The following PPP4R1 variants were observed in gnomAD, a reference collection of about 807,000 sequenced individuals.
PPP4R1 encodes the protein serine/threonine-protein phosphatase 4 regulatory subunit 1.
PPP4R1 carries 42 observed loss-of-function variants against 111.2 expected under a neutral mutation model. The observed-to-expected ratio is 0.38, with a 90% CI of 0.29 to 0.49. The LOEUF (loss-of-function observed/expected upper bound fraction) is 0.49. Ranked by LOEUF, PPP4R1 falls within the 20% of genes least tolerant of loss-of-function variation. PPP4R1 has a pLI of 0.97. For synonymous variants in PPP4R1, 409 were observed against 405.5 expected (o/e 1.01, Z -0.10); for missense variants, 1,012 against 1,161.6 (o/e 0.87, Z 1.87).
At chr18:9,564,103 C>T (rs1275693901) in intron 11 of PPP4R1, among the ~76,000 whole-genome samples, 2 of 152,226 alleles carry the variant, frequency 1.3e-5, no homozygotes, top group East Asian at 3.8e-4. Flanking sequence ...TGAGCACTGT[C>T]TTGCTTGCAG....
rs76553855 is a variant in PPP4R1, at chr18:9,558,714, T to A, written c.2028+705A>T. Among the ~76,000 whole-genome samples the A allele has an allele frequency of 5.1e-4, 77 of 150,852 alleles. 1 individual carries two copies. In the South Asian group the frequency reaches 0.012, roughly 23 times the overall value. ...TAATCAGACTGTTTTTTTTTTTTTT[T>A]AAATAACTGAGAGATCAACTTCACT... is the stretch of plus-strand genomic sequence containing the variant. On this transcript the variant is annotated intron_variant, in intron 14 of 19. Transcript: ENST00000400556.
intron 2 of PPP4R1, among the ~76,000 whole-genome samples, chr18:9,600,596 G>A (rs1041666206): frequency 3.3e-5 from 5 of 152,170 alleles, no homozygotes; most frequent in Admixed American, 6.5e-5. Context: ...GCTGGAGGCC[G>A]GGTGTGGTGG....
chr18:9,549,101 G>A (rs979400879), intron 19 of PPP4R1, 96 bp downstream of exon 19: 1 of 1,424,668 alleles, frequency 7.0e-7, no homozygotes, highest in Non-Finnish European at 9.8e-7. Flanking sequence ...TTTTCTCTGA[G>A]CAGACAATAC....
chr18:9,592,211 T>C (rs1344901987), intron 4 of PPP4R1, among the ~76,000 whole-genome samples: 1 of 152,230 alleles, frequency 6.6e-6, no homozygotes, highest in East Asian at 1.9e-4. Context: ...TGGTTTATTA[T>C]AAACCTTTAC....
chr18:9,572,542 G>A (rs548616859), intron 10 of PPP4R1, among the ~76,000 whole-genome samples: 1 of 152,170 alleles, frequency 6.6e-6, no homozygotes, highest in South Asian at 2.1e-4. Context: ...GAATATGTAG[G>A]TAAATTTGTA....
At chr18:9,600,383 G>T (rs2067361827) in intron 2 of PPP4R1, among the ~76,000 whole-genome samples, 2 of 151,774 alleles carry the variant, frequency 1.3e-5, no homozygotes, top group Non-Finnish European at 2.9e-5. Context: ...ATAAATAGCA[G>T]AATCACAGAC....
intron 6 of PPP4R1, chr18:9,587,329 T>C (rs931502993): frequency 6.6e-6 from 1 of 152,204 alleles, no homozygotes; most frequent in Non-Finnish European, 1.5e-5. Context: ...GCCCTGATTG[T>C]ATTTCAAATT....
intron 11 of PPP4R1, among the ~76,000 whole-genome samples, chr18:9,567,588 CT>C (rs2145093386): frequency 6.6e-6 from 1 of 152,294 alleles, no homozygotes; most frequent in African/African-American, 2.4e-5. Context: ...ATGGAATCTC[CT>C]CCTAGTGATG....
intron 2 of PPP4R1, among the ~76,000 whole-genome samples, chr18:9,610,782 C>CTGATAA (rs1462216704): frequency 1.3e-4 from 20 of 151,912 alleles, no homozygotes; most frequent in Admixed American, 1.3e-3. Flanking sequence ...TTAAGAGTAC[C>CTGATAA]TGATAATGAT....
chr18:9,616,608 C>G (rs761430607), upstream of PPP4R1, among the ~76,000 whole-genome samples: 1 of 152,064 alleles, frequency 6.6e-6, no homozygotes, highest in Non-Finnish European at 1.5e-5. Context: ...GTGGTCTCAC[C>G]GCAACAACAC....
Position 9,563,532 on chromosome 18 carries a change from G to A in PPP4R1, c.1592C>T (p.Ser531Phe), listed in dbSNP as rs868822695. ...CAGGCTGGAAGCACGTAGTGCAGCG[G>A]ACAGCACTTCCACTTGTGCTACAGG... ...PDVKAQVEVL[S>F]AALRASSLDA... Residue 531 changes from serine (S) to phenylalanine (F), a missense_variant, in exon 12 of 20, where the codon TCC (serine) becomes TTC (phenylalanine). Physicochemically the swap from Ser to Phe is radical, Grantham distance 155. Transcript: ENST00000400556. 1 of 1,597,700 alleles carries A rather than the reference G, an allele frequency of 6.3e-7. No individual in the cohort carries two copies. The highest frequency in any genetic ancestry group is 8.5e-7 in the Non-Finnish European group (1 of 1,171,876).
chr18:9,549,261 A>C lies in PPP4R1; in HGVS notation c.2625T>G (p.Asn875Lys). The C allele has an allele frequency of 6.2e-7, 1 of 1,614,014 alleles. No homozygotes were observed. The highest frequency in any genetic ancestry group is 1.1e-5 in the South Asian group (1 of 91,086). ...GCACTCGCACGTTAGGAACCCTGTC[A>C]TTTGCTAAGGTTAGCAGATGCGGCA... ...HLMPHLLTLA[N>K]DRVPNVRVLL... Residue 875 changes from asparagine to lysine, a missense_variant, in exon 19 of 20, where the codon AAT becomes AAG. Asn to Lys is a moderately conservative substitution (Grantham distance 94, BLOSUM62 0). Transcript: ENST00000400556.
At chr18:9,548,939 A>T (rs1568079329) in intron 19 of PPP4R1, among the ~76,000 whole-genome samples, 3 of 152,228 alleles carry the variant, frequency 2.0e-5, no homozygotes, top group Non-Finnish European at 4.4e-5. Flanking sequence ...CAAACAAAAA[A>T]ACCTAAGTTT....
At chr18:9,564,798 G>A (rs2066739593) in intron 11 of PPP4R1, among the ~76,000 whole-genome samples, 1 of 147,384 alleles carries the variant, frequency 6.8e-6, no homozygotes, top group Non-Finnish European at 1.5e-5. Flanking sequence ...TTGTTTTATT[G>A]CACTTTGTAG....
Position 9,577,151 on chromosome 18 carries a change from G to T in PPP4R1, c.959C>A (p.Ser320Tyr). The change falls in exon 10 of 20, where the codon TCT (serine) becomes TAT (tyrosine). Residue 320 changes from serine (S) to tyrosine (Y), a missense_variant. Ser to Tyr is a moderately radical substitution (Grantham distance 144). This residue lies in a region of PPP4R1 where 707 missense variants were observed against 742.1 expected (regional missense o/e 0.95). Coordinates refer to ENST00000400556, the MANE Select transcript of PPP4R1 (RefSeq NM_001042388.3). ...AAFQSLGPFI[S>Y]TFANPSSSGQ... ...TGAGCTAGATGGATTAGCAAAAGTA[G>T]ATATGAAAGGTCCCAGAGACTGAAA... 2 of 1,609,386 alleles carry T rather than the reference G, an allele frequency of 1.2e-6. No homozygotes were observed. The highest frequency in any genetic ancestry group is 2.2e-5 in the South Asian group (2 of 90,204).
At chr18:9,576,757 A>ATAT (rs2066942101) in intron 10 of PPP4R1, among the ~76,000 whole-genome samples, 1 of 114,874 alleles carries the variant, frequency 8.7e-6, no homozygotes, top group African/African-American at 3.4e-5. Flanking sequence ...TGATTGACTA[A>ATAT]ATAATGTACT....
In PPP4R1 at chr18:9,562,053, T is replaced by C. The variant is rs778320717; in HGVS notation, c.1769A>G (p.Tyr590Cys). The change falls in exon 13 of 20, where the codon TAT becomes TGT. Residue 590 changes from tyrosine (Y) to cysteine (C), a missense_variant. By Grantham distance (194) the Tyr-to-Cys change is radical. Around this residue, in one of 2 missense-constraint regions of PPP4R1, gnomAD observed 707 missense variants for 742.1 expected, o/e 0.95. Transcript: ENST00000400556. ...AVENMDSTLH[Y>C]IHSDSDLSNN... ...GCTCAAGTCTGAATCGCTGTGAATA[T>C]AGTGAAGAGTGGAGTCCATATTCTG... 6 of 1,611,992 alleles carry C rather than the reference T, an allele frequency of 3.7e-6. No individual in the cohort carries two copies. Among genetic ancestry groups the C allele is most frequent in the South Asian group, 1.1e-5 (1 of 91,006 alleles).
chr18:9,568,762 G>A (rs927399043), intron 11 of PPP4R1, among the ~76,000 whole-genome samples: 1 of 152,170 alleles, frequency 6.6e-6, no homozygotes. Context: ...TAAGCTGAGC[G>A]CAGTGGTTCA....
intron 9 of PPP4R1, among the ~76,000 whole-genome samples, chr18:9,578,411 A>T (rs1483301258): frequency 6.6e-6 from 1 of 151,424 alleles, no homozygotes; most frequent in Non-Finnish European, 1.5e-5. Flanking sequence ...TAATTTTTCT[A>T]TTTTTTTTGC....
Sources: allele counts gnomAD v4.1 joint callset (sites outside exome capture counted in the v4.1 genomes callset), GRCh38; gene constraint gnomAD v4.1.1; regional missense constraint gnomAD v4.1.1; transcripts MANE v1.5; gene names NCBI Gene and HGNC (gene_info 2026-07-23, HGNC 2026-07-21).